SGSM1: variants seen among roughly 807,000 people sequenced by gnomAD.
The protein encoded by SGSM1 is small G protein signaling modulator 1.
In SGSM1, 73 loss-of-function variants were observed where a neutral mutation model predicts 133.8. The observed-to-expected ratio is 0.55, with a 90% CI of 0.45 to 0.66. The LOEUF is 0.66. Among genes scored for constraint, SGSM1 ranks in the 30% least tolerant of loss-of-function variants. The pLI is 0.00. For missense variants in SGSM1, 1,213 were observed against 1,448.1 expected, an observed-to-expected ratio of 0.84 and a Z score of 2.64; for synonymous variants, 563 against 573.0, an observed-to-expected ratio of 0.98 and a Z score of 0.25.
chr22:24,910,847 C>T (rs987491258), intron 21 of SGSM1, among the ~76,000 whole-genome samples: 4 of 150,918 alleles, frequency 2.7e-5, no homozygotes, highest in Admixed American at 1.3e-4. Context: ...CGGGAGGCTG[C>T]GGCAGGAGAA....
At chr22:24,922,179 C>CTTTTTTTTT (rs140795501) in intron 24 of SGSM1, among the ~76,000 whole-genome samples, 41 of 106,840 alleles carry the variant, frequency 3.8e-4, no homozygotes, top group Non-Finnish European at 4.4e-4. Flanking sequence ...CACTTACTTT[C>CTTTTTTTTT]TTTTTTTTTT....
chr22:24,832,132 T>A (rs969497876), intron 2 of SGSM1, among the ~76,000 whole-genome samples: 3 of 152,206 alleles, frequency 2.0e-5, no homozygotes, highest in Non-Finnish European at 4.4e-5. Context: ...AGTTAGTTCA[T>A]CTGATCCCTA....
chr22:24,895,536 T>C (rs1331533288), intron 18 of SGSM1, among the ~76,000 whole-genome samples: 1 of 152,242 alleles, frequency 6.6e-6, no homozygotes, highest in African/African-American at 2.4e-5. Context: ...GTCCTTAATC[T>C]CTGCCTGCCC....
At chr22:24,914,310 A>AAG (rs56201186) in intron 22 of SGSM1, among the ~76,000 whole-genome samples, 1 of 149,618 alleles carries the variant, frequency 6.7e-6, no homozygotes, top group Non-Finnish European at 1.5e-5. Flanking sequence ...AAAAAAAAAA[A>AAG]GATACAAAAA....
intron 12 of SGSM1, 89 bp from the exon 13 acceptor site, chr22:24,876,488 G>C (rs920130532): frequency 5.2e-6 from 8 of 1,541,572 alleles, no homozygotes; most frequent in Non-Finnish European, 6.2e-6. Flanking sequence ...GGCTGGGGCG[G>C]GTGAGCTGCT....
At chr22:24,835,290 A>G (rs1163610220) in intron 2 of SGSM1, among the ~76,000 whole-genome samples, 1 of 152,146 alleles carries the variant, frequency 6.6e-6, no homozygotes, top group East Asian at 1.9e-4. Context: ...ACCAAGCCCT[A>G]TGCTAAATGC....
chr22:24,806,219 C>G lies in SGSM1; in HGVS notation c.-107C>G. 8.0e-7 allele frequency: 1 copy of G among 1,243,562 alleles called. No homozygotes were observed. Among genetic ancestry groups the G allele is most frequent in the Non-Finnish European group, 1.0e-6 (1 of 993,442 alleles). 77.0% of individuals were successfully genotyped at this position (1,243,562 alleles called of 1,614,324 possible). ...GGCGCCCTCCGGCCGTCACTCAGCG[C>G]TCGGCCCCGCCCCGCCGCGGCTGCA... On this transcript the variant is annotated 5_prime_UTR_variant, in exon 1 of 25. Coordinates refer to ENST00000400358, the MANE Select transcript of SGSM1 (RefSeq NM_001098497.3).
intron 2 of SGSM1, among the ~76,000 whole-genome samples, chr22:24,841,539 G>T (rs1208086353): frequency 6.6e-6 from 1 of 152,126 alleles, no homozygotes; most frequent in Non-Finnish European, 1.5e-5. Flanking sequence ...TTGTTCTATT[G>T]ACTTACCTTT....
Position 24,895,224 on chromosome 22 carries a change from C to G in SGSM1, c.1955C>G (p.Ser652Cys). 2.5e-6 allele frequency: 4 copies of G among 1,608,452 alleles called. No homozygotes were observed. Among genetic ancestry groups the G allele is most frequent in the Non-Finnish European group, 3.4e-6 (4 of 1,177,752 alleles). ...LHRDSTISNE[S>C]SQSCSSGRQN... ...CCCTCCTGCTCTTTCTTTTCTCAGT[C>G]CTCCCAGAGCTGCAGTTCGGGCCGC... Residue 652 changes from serine to cysteine, a missense_variant and splice_region_variant, in exon 18 of 25, where the codon TCC becomes TGC. Ser to Cys is a moderately radical substitution (Grantham distance 112). Transcript: ENST00000400358.
intron 2 of SGSM1, among the ~76,000 whole-genome samples, chr22:24,823,187 A>G (rs1396435091): frequency 6.6e-6 from 1 of 152,250 alleles, no homozygotes; most frequent in Non-Finnish European, 1.5e-5. Flanking sequence ...TATGGAGATT[A>G]GATGAGATCA....
Position 24,855,009 on chromosome 22 carries a change from A to G in SGSM1, c.469A>G (p.Lys157Glu). ...LVENSSKYYE[K>E]EALLMDPVDG... Reference sequence around the variant, plus strand: ...TCCTCTTGCTAGTAAATACTATGAGAAGGAAGCTCTCCTGATGGACCCTGT... The same window carrying G: ...TCCTCTTGCTAGTAAATACTATGAGGAGGAAGCTCTCCTGATGGACCCTGT... The change falls in exon 6 of 25, where the codon AAG becomes GAG. Residue 157 changes from lysine to glutamate, a missense_variant. Physicochemically the swap from Lys to Glu is moderately conservative, Grantham distance 56. Transcript: ENST00000400358. The G allele has an allele frequency of 6.2e-7, 1 of 1,613,368 alleles. No individual in the cohort carries two copies. Among genetic ancestry groups the G allele is most frequent in the Non-Finnish European group, 8.5e-7 (1 of 1,179,734 alleles).
intron 12 of SGSM1, chr22:24,874,389 T>C: frequency 6.3e-7 from 1 of 1,588,184 alleles, no homozygotes; most frequent in South Asian, 1.2e-5. Context: ...CCCACCTCAC[T>C]GGTTCTTTCT....
intron 5 of SGSM1, among the ~76,000 whole-genome samples, chr22:24,850,827 A>G (rs931490418): frequency 1.3e-5 from 2 of 152,088 alleles, no homozygotes; most frequent in African/African-American, 4.8e-5. Context: ...GCTGGGCGCA[A>G]TGGCTCACGC....
In SGSM1 at chr22:24,901,941, C is replaced by T. The variant is rs1933180068; in HGVS notation, c.2719C>T (p.Arg907Cys). The change falls in exon 20 of 25, where the codon CGT becomes TGT. Residue 907 changes from arginine to cysteine, a missense_variant. Coordinates refer to ENST00000400358, the MANE Select transcript of SGSM1 (RefSeq NM_001098497.3). Reference sequence around the variant, plus strand: ...CACGCCCGCCAACTTGGAGAAGCTGCGTAACATCATGTGCAGGTGGCTGGG... The same window carrying T: ...CACGCCCGCCAACTTGGAGAAGCTGTGTAACATCATGTGCAGGTGGCTGGG... ...YFTPANLEKL[R>C]NIMCSYIWQH... is the part of the protein sequence containing the mutation. 3.6e-6 allele frequency: 5 copies of T among 1,391,580 alleles called. No individual in the cohort carries two copies. The highest frequency in any genetic ancestry group is 3.6e-5 in the East Asian group (1 of 27,578). 86.2% of individuals were successfully genotyped at this position (1,391,580 alleles called of 1,614,324 possible). A position where few individuals can be genotyped will look rare whatever the true frequency, so the allele number is the denominator to read the frequency against.
At chr22:24,847,529 T>C in intron 3 of SGSM1, 105 bp from the exon 4 acceptor site, 2 of 1,391,682 alleles carry the variant, frequency 1.4e-6, no homozygotes, top group Non-Finnish European at 1.9e-6. Context: ...GTAAGAAGAT[T>C]GAGAGGGCTC....
intron 16 of SGSM1, among the ~76,000 whole-genome samples, chr22:24,890,212 T>C (rs1932790348): frequency 6.6e-6 from 1 of 152,212 alleles, no homozygotes; most frequent in African/African-American, 2.4e-5. Flanking sequence ...CGCCTTGGCC[T>C]CCCAAAGTCC....
At chr22:24,860,704 C>G (rs1931073791) in intron 9 of SGSM1, among the ~76,000 whole-genome samples, 1 of 150,622 alleles carries the variant, frequency 6.6e-6, no homozygotes, top group African/African-American at 2.4e-5. Context: ...AGTTCAAGAC[C>G]AGCCTGGCCA....
At chr22:24,806,827 G>A (rs1188715761) in intron 2 of SGSM1, among the ~76,000 whole-genome samples, 1 of 152,056 alleles carries the variant, frequency 6.6e-6, no homozygotes, top group Non-Finnish European at 1.5e-5. Context: ...CCTTCCAAGA[G>A]AGAGAAGCTG....
intron 21 of SGSM1, among the ~76,000 whole-genome samples, chr22:24,910,073 A>G (rs1933562960): frequency 6.6e-6 from 1 of 152,230 alleles, no homozygotes; most frequent in Non-Finnish European, 1.5e-5. Flanking sequence ...ACATAATGCT[A>G]AGTGAAAGAA....
Sources: gnomAD v4.1 joint callset for allele counts (sites outside exome capture counted in the v4.1 genomes callset) on GRCh38, gnomAD v4.1.1 for gene constraint, MANE v1.5 for transcripts, NCBI Gene and HGNC (gene_info 2026-07-23, HGNC 2026-07-21) for gene names.